Variants in THEMIS observed in about 807,000 individuals in gnomAD.
The protein encoded by THEMIS is thymocyte selection associated.
THEMIS carries 37 observed loss-of-function variants against 52.6 expected under a neutral mutation model. The ratio of observed to expected loss-of-function variants is 0.70; its 90% CI spans 0.54 to 0.93. THEMIS has a LOEUF of 0.93. Among genes scored for constraint, THEMIS ranks in the 40% least tolerant of loss-of-function variants. THEMIS has a pLI of 0.00. For synonymous variants in THEMIS, 292 were observed against 272.7 expected, an observed-to-expected ratio of 1.07 and a Z score of -0.70; for missense variants, 808 against 763.1, an observed-to-expected ratio of 1.06 and a Z score of -0.69.
rs564360373 is a variant in THEMIS at position 127,801,779 on chromosome 6, C to T, written c.1758+11104G>A. 3.5e-4 allele frequency among the ~76,000 whole-genome samples: 53 copies of T among 152,286 alleles called. 1 individual carries two copies. Among genetic ancestry groups the T allele is most frequent in the African/African-American group, 1.3e-3 (53 of 41,556 alleles). Reference sequence around the variant, plus strand: ...TGCTCAGGAGCCACCCCCAACACCCCTGTGTGCTTCTAGACCTACAACTAG... The same window carrying T: ...TGCTCAGGAGCCACCCCCAACACCCTTGTGTGCTTCTAGACCTACAACTAG... On this transcript the variant is annotated intron_variant, in intron 4 of 5. Transcript: ENST00000368248.
chr6:127,808,525 T>C (rs761037467), intron 4 of THEMIS, among the ~76,000 whole-genome samples: 1 of 152,236 alleles, frequency 6.6e-6, no homozygotes, highest in African/African-American at 2.4e-5. Flanking sequence ...TTCTGCATTA[T>C]GTCATAAACC....
At chr6:127,819,487 G>A (rs1341611550) in intron 3 of THEMIS, among the ~76,000 whole-genome samples, 1 of 152,048 alleles carries the variant, frequency 6.6e-6, no homozygotes, top group African/African-American at 2.4e-5. Context: ...ATATTGAAGA[G>A]TATCATATTC....
At chr6:127,812,795 AG>A (rs1777954886) in intron 4 of THEMIS, 87 bp downstream of exon 4, 1 of 1,351,628 alleles carries the variant, frequency 7.4e-7, no homozygotes, top group South Asian at 1.4e-5. Context: ...AAGAAAGAAA[AG>A]TAAGCAAAAC....
intron 4 of THEMIS, among the ~76,000 whole-genome samples, chr6:127,806,507 C>T (rs180902045): frequency 1.3e-3 from 196 of 152,232 alleles, no homozygotes; most frequent in African/African-American, 3.9e-3. Context: ...AGTTTCTTCA[C>T]ATATTTCCAA....
chr6:127,859,384 C>G (rs561765933), intron 1 of THEMIS, among the ~76,000 whole-genome samples: 1 of 152,104 alleles, frequency 6.6e-6, no homozygotes, highest in Admixed American at 6.6e-5. Context: ...ATTATTATCA[C>G]TCTTTCAATT....
chr6:127,754,692 C>A (rs528120515), intron 4 of THEMIS, among the ~76,000 whole-genome samples: 67 of 151,976 alleles, frequency 4.4e-4, no homozygotes, highest in African/African-American at 1.5e-3. Context: ...GAAAATAACC[C>A]TAAGAGTCAT....
Position 127,812,983 on chromosome 6 carries a change from G to A in THEMIS, c.1658C>T (p.Pro553Leu), listed in dbSNP as rs1282660506. The change falls in exon 4 of 6, where the codon CCC becomes CTC. Residue 553 changes from proline (P) to leucine (L), a missense_variant. By Grantham distance (98) the Pro-to-Leu change is moderately conservative. Coordinates refer to ENST00000368248, the MANE Select transcript of THEMIS (RefSeq NM_001010923.3). ...GGGGTGTTTCGGAGGGCGAGGTGGG[G>A]GATGTGAGGCTGAGCTTTCATATCT... ...MRRYESSASH[P>L]PPRPPKHPSV... 4.3e-6 allele frequency: 7 copies of A among 1,613,928 alleles called. No homozygotes were observed. Among genetic ancestry groups the A allele is most frequent in the Non-Finnish European group, 5.9e-6 (7 of 1,180,000 alleles).
rs114823771 is a variant in THEMIS at position 127,774,879 on chromosome 6, C to T, written c.1758+38004G>A. ...GGCTAGTAGGGTGAGGGTGGAACTT[C>T]CTCTTGATCAGAAGACCATCAAATA... On this transcript the variant is annotated intron_variant, in intron 4 of 5. Coordinates refer to ENST00000368248, the MANE Select transcript of THEMIS (RefSeq NM_001010923.3). Among the ~76,000 whole-genome samples the T allele has an allele frequency of 3.4e-3, 519 of 152,240 alleles. 3 individuals carry two copies. Among genetic ancestry groups the T allele is most frequent in the African/African-American group, 0.012 (481 of 41,548 alleles).
chr6:127,700,756 G>A, the THEMIS span, among the ~76,000 whole-genome samples: 1 of 151,986 alleles, frequency 6.6e-6, no homozygotes, highest in African/African-American at 2.4e-5. Flanking sequence ...TTTATGGGAG[G>A]TTTGCTGAAT....
intron 4 of THEMIS, among the ~76,000 whole-genome samples, chr6:127,812,408 T>A (rs1265505233): frequency 6.6e-6 from 1 of 152,176 alleles, no homozygotes; most frequent in African/African-American, 2.4e-5. Flanking sequence ...TATTTTTACA[T>A]CTTTCTGCAC....
At chr6:127,752,588 C>T (rs1225406312) in intron 4 of THEMIS, among the ~76,000 whole-genome samples, 2 of 151,122 alleles carry the variant, frequency 1.3e-5, no homozygotes, top group African/African-American at 4.8e-5. Context: ...TTTATGCTTG[C>T]CCTCCTAGAA....
intron 1 of THEMIS, among the ~76,000 whole-genome samples, chr6:127,869,874 C>T (rs550640388): frequency 5.3e-5 from 8 of 152,264 alleles, no homozygotes; most frequent in African/African-American, 1.9e-4. Flanking sequence ...CAGAACAAAA[C>T]AAAGCAAAAC....
At chr6:127,757,592 C>G (rs1775873673) in intron 4 of THEMIS, among the ~76,000 whole-genome samples, 1 of 152,110 alleles carries the variant, frequency 6.6e-6, no homozygotes, top group Admixed American at 6.5e-5. Flanking sequence ...ACGCCATTCT[C>G]CTGCCTCAGC....
At chr6:127,790,300 G>T (rs1173457806) in intron 4 of THEMIS, among the ~76,000 whole-genome samples, 2 of 151,726 alleles carry the variant, frequency 1.3e-5, no homozygotes, top group East Asian at 3.9e-4. Flanking sequence ...TAGGAAACTG[G>T]TATAAACCTG....
chr6:127,767,765 T>C (rs912145950), intron 4 of THEMIS, among the ~76,000 whole-genome samples: 4 of 152,232 alleles, frequency 2.6e-5, no homozygotes, highest in Non-Finnish European at 4.4e-5. Flanking sequence ...TCGAGTTTTA[T>C]ATACATAATT....
In THEMIS at chr6:127,855,081, T is replaced by C; in HGVS notation, c.199A>G (p.Ile67Val). ...GGCTGTAGAGACTCACAACCTTCAATCTGCTCACAAATTTCAGCTATGATC... is the reference window on the plus strand; with the variant it reads ...GGCTGTAGAGACTCACAACCTTCAACCTGCTCACAAATTTCAGCTATGATC... ...KKIIAEICEQ[I>V]EGCESLQPFE... The change falls in exon 2 of 6, where the codon ATT becomes GTT. Residue 67 changes from isoleucine to valine, a missense_variant. Ile to Val is a conservative substitution (Grantham distance 29, BLOSUM62 3). Coordinates refer to ENST00000368248, the MANE Select transcript of THEMIS (RefSeq NM_001010923.3). The C allele has an allele frequency of 6.2e-7, 1 of 1,611,470 alleles. No individual in the cohort carries two copies. The highest frequency in any genetic ancestry group is 1.7e-4 in the Middle Eastern group (1 of 6,040).
intron 1 of THEMIS, among the ~76,000 whole-genome samples, chr6:127,874,261 A>G (rs1031058572): frequency 2.6e-5 from 4 of 152,172 alleles, no homozygotes; most frequent in African/African-American, 9.7e-5. Flanking sequence ...CTACAAAATT[A>G]TTATGGTAGA....
At chr6:127,749,567 G>T (rs1045076167) in intron 4 of THEMIS, among the ~76,000 whole-genome samples, 1 of 151,982 alleles carries the variant, frequency 6.6e-6, no homozygotes, top group African/African-American at 2.4e-5. Flanking sequence ...CATCCCTAAT[G>T]TAACAGTAAA....
At chr6:127,758,815 T>G (rs998104016) in intron 4 of THEMIS, among the ~76,000 whole-genome samples, 57 of 152,246 alleles carry the variant, frequency 3.7e-4, no homozygotes, top group African/African-American at 1.3e-3. Context: ...AAAAAGAAAC[T>G]GTTTCTTTGT....
Sources: gnomAD v4.1 joint callset for allele counts (sites outside exome capture counted in the v4.1 genomes callset) on GRCh38, gnomAD v4.1.1 for gene constraint, MANE v1.5 for transcripts, NCBI Gene and HGNC (gene_info 2026-07-23, HGNC 2026-07-21) for gene names.